FOXN3: variants seen among roughly 807,000 people sequenced by gnomAD.
FOXN3 encodes the protein forkhead box protein N3.
FOXN3 carries 7 observed loss-of-function variants against 38.4 expected under a neutral mutation model. That is an observed-to-expected ratio of 0.18 (90% CI 0.10 to 0.34). The LOEUF (loss-of-function observed/expected upper bound fraction) is 0.34, where lower values mean the gene tolerates loss of function less well. Ranked by LOEUF, FOXN3 falls within the 10% of genes least tolerant of loss-of-function variation. The pLI is 1.00. For synonymous variants in FOXN3, 230 were observed against 242.2 expected (o/e 0.95, Z 0.47); for missense variants, 456 against 613.4 (o/e 0.74, Z 2.71).
intron 1 of FOXN3, among the ~76,000 whole-genome samples, chr14:89,564,835 G>A (rs1895319107): frequency 6.6e-6 from 1 of 152,126 alleles, no homozygotes; most frequent in Admixed American, 6.6e-5. Context: ...GCTCATGCCT[G>A]TAATCCCAAT....
At chr14:89,210,164 G>C (rs1473710679) in intron 4 of FOXN3, among the ~76,000 whole-genome samples, 1 of 152,198 alleles carries the variant, frequency 6.6e-6, no homozygotes, top group Non-Finnish European at 1.5e-5. Flanking sequence ...TTGGAGGTGG[G>C]GCCTGGCAAG....
chr14:89,191,813 GC>G (rs1321918110), intron 4 of FOXN3, among the ~76,000 whole-genome samples: 2 of 150,432 alleles, frequency 1.3e-5, no homozygotes, highest in East Asian at 3.9e-4. Flanking sequence ...CCTGCAGGAG[GC>G]CTGTTACTTA....
upstream of FOXN3, among the ~76,000 whole-genome samples, chr14:89,421,792 G>A (rs1034160966): frequency 1.3e-5 from 2 of 152,162 alleles, no homozygotes; most frequent in Non-Finnish European, 2.9e-5. Context: ...GCCTCCCAAA[G>A]TGCTGGGATT....
intron 1 of FOXN3, among the ~76,000 whole-genome samples, chr14:89,475,269 AAGT>A (rs1013664158): frequency 1.7e-4 from 26 of 152,324 alleles, no homozygotes; most frequent in African/African-American, 6.3e-4. Context: ...TATTGTAACC[AAGT>A]ATAATGTTGC....
chr14:89,529,556 C>T (rs551204399), intron 1 of FOXN3, among the ~76,000 whole-genome samples: 2 of 152,112 alleles, frequency 1.3e-5, no homozygotes, highest in South Asian at 4.2e-4. Context: ...ACACTACTTT[C>T]CTCCTTTAAG....
chr14:89,297,795 T>C (rs1341357113), intron 3 of FOXN3, among the ~76,000 whole-genome samples: 2 of 151,930 alleles, frequency 1.3e-5, no homozygotes, highest in African/African-American at 2.4e-5. Flanking sequence ...CAGGGCTACA[T>C]AGCAAGACCC....
intron 3 of FOXN3, among the ~76,000 whole-genome samples, chr14:89,287,365 T>C (rs1335198280): frequency 2.6e-5 from 4 of 152,136 alleles, no homozygotes; most frequent in African/African-American, 9.7e-5. Context: ...TTGGCCAGGC[T>C]TGTCTCGAAC....
intron 1 of FOXN3, among the ~76,000 whole-genome samples, chr14:89,540,508 G>A (rs536233555): frequency 6.6e-6 from 1 of 152,184 alleles, no homozygotes; most frequent in African/African-American, 2.4e-5. Flanking sequence ...GCCAAGGCGG[G>A]CGGATCGCGA....
rs1053631516 is a variant in FOXN3 at position 89,238,618 on chromosome 14, T to C, written c.745+42332A>G. On this transcript the variant is annotated intron_variant, in intron 4 of 5. Coordinates refer to ENST00000557258, the MANE Select transcript of FOXN3 (RefSeq NM_005197.4). The stretch of plus-strand genomic sequence containing the variant: ...AAGTCCCTACAGTTACATAGAGAAC[T>C]GCAGAATATTTTATTTTTTATCTAG... Among the ~76,000 whole-genome samples the C allele has an allele frequency of 5.3e-5, 8 of 152,254 alleles. No homozygotes were observed. The East Asian group carries it at 1.3e-3, about 26-fold the overall frequency.
chr14:89,204,256 G>C (rs1166804617), intron 4 of FOXN3, among the ~76,000 whole-genome samples: 2 of 152,150 alleles, frequency 1.3e-5, no homozygotes, highest in African/African-American at 4.8e-5. Flanking sequence ...CACACTGAGA[G>C]CCACTCCCAT....
intron 1 of FOXN3, among the ~76,000 whole-genome samples, chr14:89,477,287 G>A (rs542875070): frequency 6.6e-5 from 10 of 152,140 alleles, no homozygotes; most frequent in African/African-American, 1.4e-4. Flanking sequence ...CTGGATCCCC[G>A]ATCTGAGGAG....
intron 1 of FOXN3, among the ~76,000 whole-genome samples, chr14:89,503,443 T>C (rs1239523556): frequency 6.6e-6 from 1 of 152,204 alleles, no homozygotes; most frequent in Non-Finnish European, 1.5e-5. Flanking sequence ...TTTTCAAAAT[T>C]CAAACCTGGT....
chr14:89,580,327 A>G (rs1421569581), intron 1 of FOXN3, among the ~76,000 whole-genome samples: 6 of 152,216 alleles, frequency 3.9e-5, no homozygotes, highest in Admixed American at 3.9e-4. Context: ...AAACTCTCAG[A>G]GGATGGTTTT....
intron 1 of FOXN3, among the ~76,000 whole-genome samples, chr14:89,423,111 G>A (rs116737480): frequency 1.3e-5 from 2 of 152,274 alleles, no homozygotes; most frequent in African/African-American, 4.8e-5. Flanking sequence ...CAGAAGACAC[G>A]GCACCTGCCC....
intron 1 of FOXN3, among the ~76,000 whole-genome samples, chr14:89,481,935 C>A (rs917729775): frequency 6.6e-6 from 1 of 152,122 alleles, no homozygotes; most frequent in African/African-American, 2.4e-5. Flanking sequence ...GGTAAACTGG[C>A]GTATGCTAGG....
chr14:89,384,305 T>G (rs1014761961), intron 2 of FOXN3, among the ~76,000 whole-genome samples: 1 of 143,578 alleles, frequency 7.0e-6, no homozygotes. Context: ...TGCTTCACTG[T>G]GCTCACTTTG....
chr14:89,521,800 G>A (rs1894324396), intron 1 of FOXN3, among the ~76,000 whole-genome samples: 2 of 151,962 alleles, frequency 1.3e-5, no homozygotes, highest in Admixed American at 6.6e-5. Context: ...CATTATGTAC[G>A]GATCACTTGA....
intron 3 of FOXN3, among the ~76,000 whole-genome samples, chr14:89,321,010 A>G (rs1454269026): frequency 6.6e-6 from 1 of 152,108 alleles, no homozygotes; most frequent in Non-Finnish European, 1.5e-5. Flanking sequence ...AAAATTGGCC[A>G]GGCATGGTGG....
rs185904824 is a variant in FOXN3, at chr14:89,525,867, A to G, written c.-15+93161T>C. Reference sequence around the variant, plus strand: ...CATGAATATACACATAAAAATTCTTAACAAAAAAAGCTTAGCAAATCAAAT... The same window carrying G: ...CATGAATATACACATAAAAATTCTTGACAAAAAAAGCTTAGCAAATCAAAT... On this transcript the variant is annotated intron_variant, in intron 1 of 6. Transcript: ENST00000345097. 2.0e-4 allele frequency among the ~76,000 whole-genome samples: 31 copies of G among 152,292 alleles called. No individual in the cohort carries two copies. The East Asian group carries it at 6.0e-3, about 29-fold the overall frequency.
Sources: allele counts gnomAD v4.1 joint callset (sites outside exome capture counted in the v4.1 genomes callset), GRCh38; gene constraint gnomAD v4.1.1; transcripts MANE v1.5; gene names NCBI Gene and HGNC (gene_info 2026-07-23, HGNC 2026-07-21).